The following AK7 variants were observed in gnomAD, a reference collection of about 807,000 sequenced individuals.
AK7 encodes adenylate kinase 7.
Under a neutral mutation model 96.6 loss-of-function variants are expected in AK7, and 78 were observed. The observed-to-expected ratio is 0.81, with a 90% CI of 0.67 to 0.97. The LOEUF is 0.97. AK7 is among the 50% of genes least tolerant of loss of function. The pLI is 0.00. For synonymous variants in AK7, 302 were observed against 317.2 expected (o/e 0.95, Z 0.51); for missense variants, 855 against 887.9 (o/e 0.96, Z 0.47).
In AK7 at chr14:96,439,514, A is replaced by G. The variant is rs537747134; in HGVS notation, c.690+1599A>G. 6.6e-5 allele frequency among the ~76,000 whole-genome samples: 10 copies of G among 152,172 alleles called. No individual in the cohort carries two copies. The East Asian group carries it at 1.9e-3, about 29-fold the overall frequency. On this transcript the variant is annotated intron_variant, in intron 6 of 17. Transcript: ENST00000267584. ...CCCGTCTCTACTAAAAATACAAAAA[A>G]TTAGCCGGGCATGGTGGCGGGAGCC...
In AK7 at chr14:96,432,851, G is replaced by C. The variant is rs180995260; in HGVS notation, c.610-4984G>C. Among the ~76,000 whole-genome samples the C allele has an allele frequency of 3.9e-3, 588 of 150,912 alleles. 23 individuals carry two copies. The highest frequency in any genetic ancestry group is 0.034 in the Admixed American group (519 of 15,134). On this transcript the variant is annotated intron_variant, in intron 5 of 17. Coordinates refer to ENST00000267584, the MANE Select transcript of AK7 (RefSeq NM_152327.5). ...TACAAAAAAAAAAAAAAAAATAGCCGGGCATGTTGGCAGGCGCCTGTAGTC... is the reference window on the plus strand; with the variant it reads ...TACAAAAAAAAAAAAAAAAATAGCCCGGCATGTTGGCAGGCGCCTGTAGTC...
chr14:96,448,139 A>G (rs1893351938), intron 8 of AK7, among the ~76,000 whole-genome samples: 1 of 151,740 alleles, frequency 6.6e-6, no homozygotes, highest in African/African-American at 2.4e-5. Flanking sequence ...AAAAAAAAAA[A>G]AAAGAAAAGA....
At chr14:96,443,843 G>C (rs541129911) in intron 7 of AK7, among the ~76,000 whole-genome samples, 2 of 145,750 alleles carry the variant, frequency 1.4e-5, no homozygotes, top group Non-Finnish European at 3.0e-5. Flanking sequence ...GCACAATCTC[G>C]GTTCACCGCA....
chr14:96,484,204 A>T (rs1895657554), intron 16 of AK7, among the ~76,000 whole-genome samples: 1 of 152,120 alleles, frequency 6.6e-6, no homozygotes, highest in African/African-American at 2.4e-5. Context: ...ATGATGCCAC[A>T]GCACTCCAGC....
At chr14:96,479,002 G>A (rs1017493808) in intron 15 of AK7, among the ~76,000 whole-genome samples, 5 of 151,592 alleles carry the variant, frequency 3.3e-5, no homozygotes, top group Non-Finnish European at 7.4e-5. Flanking sequence ...TCTGCTTCCC[G>A]GGTTCAAGCA....
At chr14:96,481,318 G>A (rs1337981269) in intron 15 of AK7, among the ~76,000 whole-genome samples, 1 of 152,076 alleles carries the variant, frequency 6.6e-6, no homozygotes, top group Non-Finnish European at 1.5e-5. Flanking sequence ...AGTAATCAGG[G>A]AGAAATGCAT....
chr14:96,486,908 T>C lies in AK7; in HGVS notation c.1985T>C (p.Leu662Pro). 6.2e-7 allele frequency: 1 copy of C among 1,613,658 alleles called. No individual in the cohort carries two copies. The highest frequency in any genetic ancestry group is 1.6e-4 in the Middle Eastern group (1 of 6,062). Residue 662 changes from leucine to proline, a missense_variant, in exon 17 of 18, where the codon CTG becomes CCG. Coordinates refer to ENST00000267584, the MANE Select transcript of AK7 (RefSeq NM_152327.5). Reference sequence around the variant, plus strand: ...AATATTCTATTTTAGAATAAACGACTGGAGGAAGTGAAAAGAGAAGAAAGA... The same window carrying C: ...AATATTCTATTTTAGAATAAACGACCGGAGGAAGTGAAAAGAGAAGAAAGA... ...IARWEEWNKR[L>P]EEVKREEREL...
intron 4 of AK7, among the ~76,000 whole-genome samples, chr14:96,412,231 T>C (rs1891076221): frequency 1.4e-5 from 2 of 146,756 alleles, no homozygotes; most frequent in South Asian, 2.1e-4. Context: ...TCTTTCTTTT[T>C]TTTTTTTTTT....
Position 96,404,753 on chromosome 14 carries a change from T to G in AK7, c.295-4T>G, listed in dbSNP as rs1423394493. 1.3e-5 allele frequency: 21 copies of G among 1,587,644 alleles called. No homozygotes were observed. Among genetic ancestry groups the G allele is most frequent in the Non-Finnish European group, 1.8e-5 (21 of 1,158,710 alleles). ...TGCAAATGGCTGTCAATTTTCTTTT[T>G]CAGGCCATCTCTCGAGAAGACCTTC... On this transcript the variant is annotated splice_polypyrimidine_tract_variant and splice_region_variant and intron_variant, in intron 2 of 17. Coordinates refer to ENST00000267584, the MANE Select transcript of AK7 (RefSeq NM_152327.5).
At chr14:96,487,383 C>CAAAAAAAAAAAA (rs150742803) in intron 17 of AK7, among the ~76,000 whole-genome samples, 3 of 46,730 alleles carry the variant, frequency 6.4e-5, no homozygotes, top group Non-Finnish European at 1.1e-4. Context: ...GACTCCGTCT[C>CAAAAAAAAAAAA]AAAAAAAAAA....
Position 96,472,719 on chromosome 14 carries a change from G to A in AK7, c.1519G>A (p.Gly507Ser). ...TGAGGAGGAGGAAGATGATGTCAGA[G>A]GCAGAATGTTTCCCTTTGATAAATT... ...EDEEEEDDVR[G>S]RMFPFDKLII... Residue 507 changes from glycine (G) to serine (S), a missense_variant, in exon 14 of 18, where the codon GGC (glycine) becomes AGC (serine). Gly to Ser is a moderately conservative substitution (Grantham distance 56). Coordinates refer to ENST00000267584, the MANE Select transcript of AK7 (RefSeq NM_152327.5). 6.2e-7 allele frequency: 1 copy of A among 1,613,110 alleles called. No homozygotes were observed. The highest frequency in any genetic ancestry group is 8.5e-7 in the Non-Finnish European group (1 of 1,179,186).
At chr14:96,400,335 C>A (rs1029451990) in intron 2 of AK7, among the ~76,000 whole-genome samples, 1 of 152,110 alleles carries the variant, frequency 6.6e-6, no homozygotes, top group African/African-American at 2.4e-5. Flanking sequence ...CCACCACGCC[C>A]GGCCCAAAAC....
intron 12 of AK7, among the ~76,000 whole-genome samples, chr14:96,464,678 C>A (rs1894461616): frequency 1.3e-5 from 2 of 151,046 alleles, no homozygotes; most frequent in Admixed American, 1.3e-4. Flanking sequence ...TGCTATGTTA[C>A]TATTGATTTC....
intron 6 of AK7, among the ~76,000 whole-genome samples, chr14:96,440,308 T>C (rs1892896336): frequency 6.6e-6 from 1 of 152,118 alleles, no homozygotes; most frequent in Non-Finnish European, 1.5e-5. Flanking sequence ...GATATGACAG[T>C]TGCAGAGGAG....
intron 5 of AK7, among the ~76,000 whole-genome samples, chr14:96,426,922 GAACT>G (rs953091421): frequency 3.3e-5 from 5 of 152,102 alleles, no homozygotes; most frequent in African/African-American, 7.2e-5. Flanking sequence ...CTGCTATAAA[GAACT>G]AACTGAGACT....
At chr14:96,444,643 G>C (rs1394203962) in intron 7 of AK7, among the ~76,000 whole-genome samples, 2 of 151,934 alleles carry the variant, frequency 1.3e-5, no homozygotes, top group Non-Finnish European at 2.9e-5. Flanking sequence ...TGATAATAAA[G>C]CTCTCTGTGT....
rs764086081 is a variant in AK7 at position 96,478,685 on chromosome 14, A to G, written c.1753+23A>G. On this transcript the variant is annotated intron_variant, in intron 15 of 17. Coordinates refer to ENST00000267584, the MANE Select transcript of AK7 (RefSeq NM_152327.5). ...TTGGTATGAAATGAATTCAAGGATA[A>G]TGTGAATGTCCAGGACCCCCAGCAA... The G allele has an allele frequency of 2.5e-5, 41 of 1,609,714 alleles. No individual in the cohort carries two copies. The East Asian group carries it at 8.9e-4, about 35-fold the overall frequency.
chr14:96,413,030 C>G (rs903669661), intron 4 of AK7, among the ~76,000 whole-genome samples: 1 of 152,210 alleles, frequency 6.6e-6, no homozygotes, highest in African/African-American at 2.4e-5. Flanking sequence ...ACCCCCAGTA[C>G]ACAAATTGTA....
At chr14:96,413,095 GGA>G (rs1260871190) in intron 4 of AK7, among the ~76,000 whole-genome samples, 4 of 152,136 alleles carry the variant, frequency 2.6e-5, no homozygotes, top group Admixed American at 2.6e-4. Flanking sequence ...GAGTTGGGAG[GGA>G]GTTGATTCTG....
Sources: allele counts gnomAD v4.1 joint callset (sites outside exome capture counted in the v4.1 genomes callset), GRCh38; gene constraint gnomAD v4.1.1; transcripts MANE v1.5; gene names NCBI Gene and HGNC (gene_info 2026-07-23, HGNC 2026-07-21).